HYCC2: variants seen among roughly 807,000 people sequenced by gnomAD.
The protein encoded by HYCC2 is hyccin PI4KA lipid kinase complex subunit 2.
chr2:201,046,231 C>A, the HYCC2 span, among the ~76,000 whole-genome samples: 3 of 152,152 alleles, frequency 2.0e-5, no homozygotes, highest in Admixed American at 1.3e-4. Context: ...AAAGTAATAA[C>A]TATTTTCATG....
the HYCC2 span, among the ~76,000 whole-genome samples, chr2:201,034,358 T>C: frequency 6.6e-6 from 1 of 152,240 alleles, no homozygotes; most frequent in Non-Finnish European, 1.5e-5. Context: ...TACCATTATG[T>C]AATGGCCTTC....
At chr2:200,989,601 C>T in the HYCC2 span, among the ~76,000 whole-genome samples, 4 of 152,048 alleles carry the variant, frequency 2.6e-5, no homozygotes, top group African/African-American at 9.7e-5. Flanking sequence ...TCACTTGAGT[C>T]CAGGAATTTG....
chr2:201,036,258 A>G, the HYCC2 span, among the ~76,000 whole-genome samples: 1 of 152,214 alleles, frequency 6.6e-6, no homozygotes, highest in East Asian at 1.9e-4. Context: ...TTAATAGCTT[A>G]CCAATCAAAA....
chr2:201,032,990 A>G, the HYCC2 span, among the ~76,000 whole-genome samples: 1 of 152,106 alleles, frequency 6.6e-6, no homozygotes, highest in South Asian at 2.1e-4. Context: ...AAATGTATAA[A>G]CAAGTCATCT....
At chr2:201,067,273 A>C in the HYCC2 span, 1 of 158,250 alleles carries the variant, frequency 6.3e-6, no homozygotes, top group Non-Finnish European at 1.4e-5. Flanking sequence ...CACTATCAAC[A>C]GTTAAGTATT....
chr2:201,058,595 C>G, the HYCC2 span, among the ~76,000 whole-genome samples: 50 of 152,180 alleles, frequency 3.3e-4, no homozygotes, highest in African/African-American at 1.2e-3. Flanking sequence ...TCCCAGCTAC[C>G]CAGGAAGGTG....
the HYCC2 span, among the ~76,000 whole-genome samples, chr2:201,002,875 C>T: frequency 6.6e-6 from 1 of 152,134 alleles, no homozygotes; most frequent in Non-Finnish European, 1.5e-5. Context: ...CCTATAGATA[C>T]TTTTCGTGCT....
chr2:201,042,831 C>T, the HYCC2 span, among the ~76,000 whole-genome samples: 2 of 150,916 alleles, frequency 1.3e-5, no homozygotes, highest in African/African-American at 2.4e-5. Flanking sequence ...CCCCTCTGCC[C>T]GGCCGCCACC....
chr2:200,979,884 C>T, the HYCC2 span: 11 of 152,540 alleles, frequency 7.2e-5, no homozygotes, highest in African/African-American at 2.2e-4. Flanking sequence ...GTTTTTGTAA[C>T]CTCTTAGCAG....
chr2:200,988,285 C>T, the HYCC2 span: 14 of 1,611,330 alleles, frequency 8.7e-6, no homozygotes, highest in Middle Eastern at 1.6e-4. Flanking sequence ...TCTATGACGA[C>T]GGATTGAAGC....
At chr2:201,025,917 T>C in the HYCC2 span, among the ~76,000 whole-genome samples, 1 of 152,078 alleles carries the variant, frequency 6.6e-6, no homozygotes, top group Admixed American at 6.6e-5. Flanking sequence ...TTTCAAAAAT[T>C]AGCTGGGTGC....
At chr2:200,988,196 C>T in the HYCC2 span, 1 of 1,416,936 alleles carries the variant, frequency 7.1e-7, no homozygotes. Context: ...CGTGCTAAGA[C>T]AGTCTGTAAA....
the HYCC2 span, among the ~76,000 whole-genome samples, chr2:200,991,279 G>A: frequency 4.5e-4 from 68 of 152,196 alleles, 1 homozygote; most frequent in Non-Finnish European, 8.1e-4. Flanking sequence ...AAACCAGCCT[G>A]TTCAACATAG....
chr2:201,021,135 AATAGT>A, the HYCC2 span, among the ~76,000 whole-genome samples: 3 of 152,184 alleles, frequency 2.0e-5, no homozygotes, highest in African/African-American at 7.2e-5. Flanking sequence ...TTGTAACCTA[AATAGT>A]ATGTTTGTTT....
At chr2:201,011,182 TAGA>T in the HYCC2 span, among the ~76,000 whole-genome samples, 1 of 151,956 alleles carries the variant, frequency 6.6e-6, no homozygotes, top group Admixed American at 6.6e-5. Flanking sequence ...AAGATACTGA[TAGA>T]AGAATAAAAA....
the HYCC2 span, among the ~76,000 whole-genome samples, chr2:201,030,573 A>C: frequency 1.3e-5 from 2 of 149,856 alleles, no homozygotes; most frequent in Non-Finnish European, 3.0e-5. Context: ...CTATAGATCT[A>C]TCTCATTCCT....
chr2:200,982,848 C>G, the HYCC2 span, among the ~76,000 whole-genome samples: 1 of 152,196 alleles, frequency 6.6e-6, no homozygotes, highest in Admixed American at 6.5e-5. Flanking sequence ...ACCTCTGCCT[C>G]CCAGGTTCAA....
At chr2:201,065,155 C>T in the HYCC2 span, among the ~76,000 whole-genome samples, 21 of 152,194 alleles carry the variant, frequency 1.4e-4, no homozygotes, top group African/African-American at 4.8e-4. Flanking sequence ...ATGGCAACCA[C>T]GAATCTGTTC....
chr2:201,071,569 T>C, the HYCC2 span: 3 of 152,686 alleles, frequency 2.0e-5, no homozygotes, highest in Non-Finnish European at 4.4e-5. Context: ...CCCCTCTTCA[T>C]CTAGCACTTT....
Sources: gnomAD v4.1 joint callset for allele counts (sites outside exome capture counted in the v4.1 genomes callset) on GRCh38, gnomAD v4.1.1 for gene constraint, MANE v1.5 for transcripts, NCBI Gene and HGNC (gene_info 2026-07-23, HGNC 2026-07-21) for gene names.